Variants in PTPRD observed in about 807,000 individuals in gnomAD.
The protein encoded by PTPRD is protein tyrosine phosphatase receptor type D, also known as receptor-type tyrosine-protein phosphatase delta.
PTPRD carries 34 observed loss-of-function variants against 214.5 expected under a neutral mutation model. That is an observed-to-expected ratio of 0.16 (90% CI 0.12 to 0.21). The LOEUF (loss-of-function observed/expected upper bound fraction) is 0.21, where lower values mean the gene tolerates loss of function less well. Ranked by LOEUF, PTPRD falls within the 10% of genes least tolerant of loss-of-function variation. The pLI, the probability that PTPRD is intolerant of heterozygous loss-of-function variation, is 1.00. For missense variants in PTPRD, 2,545 were observed against 2,398.7 expected (o/e 1.06, Z -1.27); for synonymous variants, 1,128 against 845.7 (o/e 1.33, Z -5.79).
intron 11 of PTPRD, among the ~76,000 whole-genome samples, chr9:8,754,873 G>A (rs1212803099): frequency 6.6e-6 from 1 of 152,228 alleles, no homozygotes; most frequent in East Asian, 1.9e-4. Context: ...TATCCTTTTG[G>A]GGAAATGGGG....
intron 5 of PTPRD, among the ~76,000 whole-genome samples, chr9:9,832,498 T>C (rs976899882): frequency 2.0e-5 from 3 of 151,994 alleles, no homozygotes; most frequent in Non-Finnish European, 4.4e-5. Flanking sequence ...GTACATAGCA[T>C]GCCTAAAAAT....
At chr9:9,116,694 A>G (rs1468941111) in intron 10 of PTPRD, among the ~76,000 whole-genome samples, 11 of 151,424 alleles carry the variant, frequency 7.3e-5, no homozygotes, top group Non-Finnish European at 1.2e-4. Context: ...CTTGGGGGGG[A>G]AGGGAAAGAG....
At chr9:8,643,920 G>A (rs2096631514) in intron 12 of PTPRD, among the ~76,000 whole-genome samples, 1 of 152,186 alleles carries the variant, frequency 6.6e-6, no homozygotes, top group Non-Finnish European at 1.5e-5. Flanking sequence ...CTTCAGGCCA[G>A]GGAGGGCCTG....
chr9:9,405,816 A>G (rs1047475094), intron 8 of PTPRD, among the ~76,000 whole-genome samples: 1 of 151,922 alleles, frequency 6.6e-6, no homozygotes, highest in Non-Finnish European at 1.5e-5. Flanking sequence ...CAACACTGAA[A>G]TCATTTTTAT....
intron 7 of PTPRD, among the ~76,000 whole-genome samples, chr9:9,661,921 A>G (rs2096629677): frequency 1.3e-5 from 2 of 151,734 alleles, no homozygotes; most frequent in Admixed American, 1.3e-4. Flanking sequence ...TGGAACAGTG[A>G]ATTTAATCAT....
At chr9:10,298,059 T>C (rs1318437663) in intron 3 of PTPRD, among the ~76,000 whole-genome samples, 1 of 152,084 alleles carries the variant, frequency 6.6e-6, no homozygotes. Flanking sequence ...ACATAGAAAT[T>C]GGCAGTCCAA....
At chr9:10,048,401 G>C (rs291255) in intron 3 of PTPRD, among the ~76,000 whole-genome samples, 9,567 of 152,074 alleles carry the variant, frequency 0.063, 1,022 homozygotes, top group African/African-American at 0.21. Flanking sequence ...TTCAACTTCG[G>C]TGTAAATGCT....
chr9:8,732,811 A>G (rs2098674495), intron 12 of PTPRD, among the ~76,000 whole-genome samples: 1 of 152,228 alleles, frequency 6.6e-6, no homozygotes, highest in Admixed American at 6.5e-5. Flanking sequence ...AAAGGGGCCA[A>G]GATGACACAG....
chr9:8,580,200 C>T (rs781300346), intron 14 of PTPRD, among the ~76,000 whole-genome samples: 3 of 152,002 alleles, frequency 2.0e-5, no homozygotes, highest in Non-Finnish European at 4.4e-5. Flanking sequence ...GACTAGTTTG[C>T]CTTTGGAAAG....
chr9:9,337,083 C>A (rs2044817966), intron 9 of PTPRD, among the ~76,000 whole-genome samples: 1 of 152,072 alleles, frequency 6.6e-6, no homozygotes, highest in South Asian at 2.1e-4. Flanking sequence ...CCTAGGGGGT[C>A]AATGGGCTGT....
At chr9:9,748,497 G>A (rs2098481109) in intron 6 of PTPRD, among the ~76,000 whole-genome samples, 1 of 152,168 alleles carries the variant, frequency 6.6e-6, no homozygotes, top group African/African-American at 2.4e-5. Context: ...TTTGAAAACA[G>A]AAAAATAAAC....
chr9:10,145,881 C>A (rs981835311), intron 3 of PTPRD, among the ~76,000 whole-genome samples: 4 of 151,768 alleles, frequency 2.6e-5, no homozygotes, highest in Non-Finnish European at 5.9e-5. Context: ...AAATCTCATC[C>A]AAATTAATTA....
chr9:8,507,365 G>A lies in PTPRD; in HGVS notation c.1613C>T (p.Pro538Leu), dbSNP rs2137501480. The A allele has an allele frequency of 1.9e-6, 3 of 1,613,976 alleles. No individual in the cohort carries two copies. The highest frequency in any genetic ancestry group is 2.5e-6 in the Non-Finnish European group (3 of 1,179,866). The change falls in exon 22 of 46, where the codon CCT becomes CTT. Residue 538 changes from proline (P) to leucine (L), a missense_variant. By Grantham distance (98) the Pro-to-Leu change is moderately conservative. Coordinates refer to ENST00000381196, the MANE Select transcript of PTPRD (RefSeq NM_002839.4). ...SETSILLSWT[P>L]PRSDTIANYE... ...GTTGGCAATGGTATCTGAACGTGGA[G>A]GTGTCCAAGAGAGCAAAATACTTGT...
At chr9:10,166,357 T>C (rs1294634812) in intron 3 of PTPRD, among the ~76,000 whole-genome samples, 2 of 150,372 alleles carry the variant, frequency 1.3e-5, no homozygotes, top group African/African-American at 2.5e-5. Context: ...ACTTGCTTTT[T>C]TCTGATGCCA....
At chr9:10,228,249 C>T (rs2099595837) in intron 3 of PTPRD, among the ~76,000 whole-genome samples, 1 of 152,126 alleles carries the variant, frequency 6.6e-6, no homozygotes, top group South Asian at 2.1e-4. Context: ...TTATTTCCAA[C>T]ATTGAACCTC....
At chr9:9,763,968 T>C (rs547836909) in intron 6 of PTPRD, among the ~76,000 whole-genome samples, 2 of 152,268 alleles carry the variant, frequency 1.3e-5, no homozygotes, top group Non-Finnish European at 2.9e-5. Flanking sequence ...ATATGAGGTG[T>C]CAACCCCTCC....
At chr9:10,138,989 G>C (rs538567008) in intron 3 of PTPRD, among the ~76,000 whole-genome samples, 6 of 151,922 alleles carry the variant, frequency 3.9e-5, no homozygotes, top group Non-Finnish European at 5.9e-5. Context: ...ACAAGGCAAA[G>C]ATGCCCACTC....
chr9:10,185,617 C>G (rs1000616885), intron 3 of PTPRD, among the ~76,000 whole-genome samples: 2 of 152,074 alleles, frequency 1.3e-5, no homozygotes, highest in Non-Finnish European at 2.9e-5. Flanking sequence ...TGCAAGACAA[C>G]GGTTAGAACA....
At chr9:9,270,605 G>T (rs1469805743) in intron 9 of PTPRD, among the ~76,000 whole-genome samples, 1 of 151,220 alleles carries the variant, frequency 6.6e-6, no homozygotes, top group Non-Finnish European at 1.5e-5. Context: ...AAGGATTCCA[G>T]GAAAAATTTG....
Sources: allele counts gnomAD v4.1 joint callset (sites outside exome capture counted in the v4.1 genomes callset), GRCh38; gene constraint gnomAD v4.1.1; transcripts MANE v1.5; gene names NCBI Gene and HGNC (gene_info 2026-07-23, HGNC 2026-07-21).